Variants in ABI3BP observed in about 807,000 individuals in gnomAD.
The protein encoded by ABI3BP is ABI family member 3 binding protein.
Under a neutral mutation model 268.6 loss-of-function variants are expected in ABI3BP, and 216 were observed. The observed-to-expected ratio is 0.80, with a 90% CI of 0.72 to 0.90. The LOEUF (loss-of-function observed/expected upper bound fraction) is 0.90. Among genes scored for constraint, ABI3BP ranks in the 40% least tolerant of loss-of-function variants. The pLI is 0.00. For missense variants in ABI3BP, 2,090 were observed against 2,182.4 expected, an observed-to-expected ratio of 0.96 and a Z score of 0.84; for synonymous variants, 730 against 730.0, an observed-to-expected ratio of 1.00 and a Z score of 0.00.
intron 15 of ABI3BP, among the ~76,000 whole-genome samples, chr3:100,851,623 A>G (rs1183998427): frequency 1.3e-5 from 2 of 152,208 alleles, no homozygotes; most frequent in Non-Finnish European, 2.9e-5. Flanking sequence ...AAGCTATTAC[A>G]TTACTTTTCC....
chr3:100,843,266 C>T (rs563149542), intron 20 of ABI3BP, among the ~76,000 whole-genome samples: 1 of 152,210 alleles, frequency 6.6e-6, no homozygotes, highest in South Asian at 2.1e-4. Context: ...GCAAAAGAAG[C>T]AGGTTAAAGT....
chr3:100,779,627 CTCTCTA>C (rs1444772333), intron 58 of ABI3BP, among the ~76,000 whole-genome samples: 5 of 152,004 alleles, frequency 3.3e-5, no homozygotes, highest in African/African-American at 1.2e-4. Flanking sequence ...CTCTCTCTCT[CTCTCTA>C]TGTGTTCAGG....
intron 55 of ABI3BP, among the ~76,000 whole-genome samples, chr3:100,791,491 A>C (rs1284424957): frequency 1.3e-5 from 2 of 151,932 alleles, no homozygotes; most frequent in African/African-American, 4.8e-5. Flanking sequence ...TCTTCTCTTA[A>C]GCCAGAAATT....
At chr3:100,791,111 A>T (rs2097186307) in intron 55 of ABI3BP, among the ~76,000 whole-genome samples, 1 of 151,918 alleles carries the variant, frequency 6.6e-6, no homozygotes, top group Non-Finnish European at 1.5e-5. Flanking sequence ...AGAGCTAAGG[A>T]TATAAGAAAA....
At chr3:100,780,270 G>C (rs2096829433) in intron 57 of ABI3BP, 61 bp from the exon 58 acceptor site, 1 of 1,504,826 alleles carries the variant, frequency 6.6e-7, no homozygotes, top group Non-Finnish European at 9.2e-7. Flanking sequence ...TGGAAACTTG[G>C]TAGAGTTGCC....
chr3:100,876,857 G>A (rs959636942), intron 6 of ABI3BP, among the ~76,000 whole-genome samples: 4 of 151,958 alleles, frequency 2.6e-5, no homozygotes, highest in East Asian at 1.9e-4. Flanking sequence ...GCATGGTGGT[G>A]GGCGCCTGTA....
At chr3:100,985,820 T>G (rs1272972802) in intron 1 of ABI3BP, among the ~76,000 whole-genome samples, 1 of 152,258 alleles carries the variant, frequency 6.6e-6, no homozygotes, top group South Asian at 2.1e-4. Context: ...TGTTGGCATC[T>G]GCCACAAAAT....
chr3:100,771,236 C>T (rs1195485738), intron 61 of ABI3BP, among the ~76,000 whole-genome samples: 1 of 152,156 alleles, frequency 6.6e-6, no homozygotes, highest in Non-Finnish European at 1.5e-5. Context: ...TTATGGGGCA[C>T]TGGGTCTTAC....
intron 1 of ABI3BP, among the ~76,000 whole-genome samples, chr3:100,964,379 C>T (rs771093309): frequency 6.6e-6 from 1 of 152,204 alleles, no homozygotes; most frequent in Non-Finnish European, 1.5e-5. Flanking sequence ...TCAGACACCA[C>T]TTCCTCAAAT....
chr3:100,775,237 G>A lies in ABI3BP; in HGVS notation c.4432C>T (p.Pro1478Ser). The A allele has an allele frequency of 6.2e-7, 1 of 1,612,284 alleles. No individual in the cohort carries two copies. The highest frequency in any genetic ancestry group is 1.1e-5 in the South Asian group (1 of 90,516). Residue 1478 changes from proline (P) to serine (S), a missense_variant, in exon 60 of 68, where the codon CCA becomes TCA. Transcript: ENST00000471714. ...TCTTCTCCAGAGGCAGGAACTGTTG[G>A]TTGCTTTATATCTGTCTCTATTCTC... The part of the protein sequence containing the change: ...LERIETDIKQ[P>S]TVPASGEELE...
rs527415880 is a variant in ABI3BP, at chr3:100,811,770, T to G, written c.3451A>C (p.Thr1151Pro). 69 of 1,535,524 alleles carry G rather than the reference T, an allele frequency of 4.5e-5. No homozygotes were observed. In the South Asian group the frequency reaches 7.6e-4, roughly 17 times the overall value. The part of the protein sequence containing the change: ...APAKTDYVYP[T>P]AKAPLWPEEP... ...TCTGGCCAGAGTGGTGCTTTGGCAG[T>G]GGGATATACATAGTCTGTTTTGGCT... The change falls in exon 47 of 68, where the codon ACT becomes CCT. Residue 1151 changes from threonine to proline, a missense_variant. Coordinates refer to ENST00000471714, the MANE Select transcript of ABI3BP (RefSeq NM_001375547.2).
At chr3:100,882,460 A>T (rs9878233) in intron 6 of ABI3BP, among the ~76,000 whole-genome samples, 33,475 of 148,602 alleles carry the variant, frequency 0.23, 4,314 homozygotes, top group African/African-American at 0.35. Context: ...ATATATATAT[A>T]TTTTTTTTGC....
At chr3:100,830,672 T>G in intron 31 of ABI3BP, 38 bp from the exon 32 acceptor site, 3 of 1,484,256 alleles carry the variant, frequency 2.0e-6, no homozygotes, top group Non-Finnish European at 2.7e-6. Context: ...AGAGATTTTG[T>G]GAATGCATGA....
intron 61 of ABI3BP, among the ~76,000 whole-genome samples, chr3:100,773,945 G>T (rs929506731): frequency 1.3e-5 from 2 of 152,162 alleles, no homozygotes; most frequent in Non-Finnish European, 2.9e-5. Flanking sequence ...TGAGTGGGAG[G>T]AATAAGAGAA....
At chr3:100,777,244 A>T (rs2096730865) in intron 59 of ABI3BP, among the ~76,000 whole-genome samples, 1 of 152,182 alleles carries the variant, frequency 6.6e-6, no homozygotes, top group Non-Finnish European at 1.5e-5. Context: ...TAACACTCTT[A>T]TCCCGATTCC....
rs2098519114 is a variant in ABI3BP at position 100,833,050 on chromosome 3, G to C, written c.2314+75C>G. On this transcript the variant is annotated intron_variant, in intron 30 of 67. Coordinates refer to ENST00000471714, the MANE Select transcript of ABI3BP (RefSeq NM_001375547.2). ...GATGACAACAAAAGATGGTACAATA[G>C]CCTATATAGCACCATAGCAAAATCT... The C allele has an allele frequency of 1.8e-5, 22 of 1,227,632 alleles. No homozygotes were observed. In the East Asian group the frequency reaches 5.6e-4, roughly 31 times the overall value. 76.0% of individuals were successfully genotyped at this position (1,227,632 alleles called of 1,614,324 possible). A position where few individuals can be genotyped will look rare whatever the true frequency, so the allele number is the denominator to read the frequency against.
In ABI3BP at chr3:100,781,693, T is replaced by C. The variant is rs139887737; in HGVS notation, c.4163-1484A>G. 2.3e-4 allele frequency among the ~76,000 whole-genome samples: 35 copies of C among 152,306 alleles called. 1 individual carries two copies. The East Asian group carries it at 6.6e-3, about 29-fold the overall frequency. ...CTCCAGGGTAACACAAAGTTTTATA[T>C]ACCCTAGAAGGCTAGTAGGCTGTCT... On this transcript the variant is annotated intron_variant, in intron 57 of 67. Coordinates refer to ENST00000471714, the MANE Select transcript of ABI3BP (RefSeq NM_001375547.2).
Position 100,828,402 on chromosome 3 carries a change from T to G in ABI3BP, c.2593A>C (p.Thr865Pro). 1 of 1,535,146 alleles carries G rather than the reference T, an allele frequency of 6.5e-7. No individual in the cohort carries two copies. Among genetic ancestry groups the G allele is most frequent in the Non-Finnish European group, 8.7e-7 (1 of 1,146,204 alleles). The change falls in exon 34 of 68, where the codon ACA becomes CCA. Residue 865 changes from threonine to proline, a missense_variant. Thr to Pro is a conservative substitution (Grantham distance 38). Coordinates refer to ENST00000471714, the MANE Select transcript of ABI3BP (RefSeq NM_001375547.2). ...CAAAAAGTGGCATTACCGAATGTTG[T>G]CCCTGGAGCCTCTTTTATAGGAGAA... ...PVSPIKEAPG[T>P]TFVPVTDLEP...
chr3:100,751,019 C>T (rs916513014), intron 67 of ABI3BP, among the ~76,000 whole-genome samples: 2 of 152,026 alleles, frequency 1.3e-5, no homozygotes, highest in Admixed American at 6.6e-5. Context: ...ATTAATTTAC[C>T]CCCTTCTGCA....
Sources: gnomAD v4.1 joint callset for allele counts (sites outside exome capture counted in the v4.1 genomes callset) on GRCh38, gnomAD v4.1.1 for gene constraint, MANE v1.5 for transcripts, NCBI Gene and HGNC (gene_info 2026-07-23, HGNC 2026-07-21) for gene names.